MCF2L: variants seen among roughly 807,000 people sequenced by gnomAD.
MCF2L encodes the protein guanine nucleotide exchange factor DBS.
In MCF2L, 97 loss-of-function variants were observed where a neutral mutation model predicts 153.4. The observed-to-expected ratio is 0.63, with a 90% CI of 0.54 to 0.75. The LOEUF (loss-of-function observed/expected upper bound fraction) is 0.75. Ranked by LOEUF, MCF2L falls within the 30% of genes least tolerant of loss-of-function variation. MCF2L has a pLI of 0.00. For missense variants in MCF2L, 1,347 were observed against 1,495.2 expected (o/e 0.90, Z 1.64); for synonymous variants, 659 against 632.2 (o/e 1.04, Z -0.64).
chr13:112,944,053 CTGGCTGT>C (rs2081607763), intron 2 of MCF2L, among the ~76,000 whole-genome samples: 2 of 135,588 alleles, frequency 1.5e-5, no homozygotes, highest in Non-Finnish European at 3.1e-5. Context: ...GGGAGGGTCC[CTGGCTGT>C]GGGGGGAGCG....
In MCF2L at chr13:112,940,517, C is replaced by T. The variant is rs532240796; in HGVS notation, c.169+38146C>T. On this transcript the variant is annotated intron_variant, in intron 2 of 29. Transcript: ENST00000375608. ...GTACCGCCTGGCCCAGCTCCCTACC[C>T]GCTGCCTATGTGGGTCACCTCTCAG... 1.6e-4 allele frequency among the ~76,000 whole-genome samples: 25 copies of T among 152,370 alleles called. No homozygotes were observed. In the South Asian group the frequency reaches 3.7e-3, roughly 23 times the overall value.
At chr13:113,065,197 G>T in intron 7 of MCF2L, 112 bp downstream of exon 7, 1 of 1,359,754 alleles carries the variant, frequency 7.4e-7, no homozygotes. Flanking sequence ...GGGAGTTTGT[G>T]TCAGCAGCAC....
chr13:113,018,830 C>A (rs2084699265), intron 2 of MCF2L, among the ~76,000 whole-genome samples: 2 of 152,228 alleles, frequency 1.3e-5, no homozygotes, highest in Admixed American at 1.3e-4. Context: ...TCACTCCCTG[C>A]AATGGACGGC....
chr13:113,088,657 G>T, intron 25 of MCF2L, 29 bp downstream of exon 25: 1 of 1,596,476 alleles, frequency 6.3e-7, no homozygotes, highest in Non-Finnish European at 8.5e-7. Context: ...CCGCAGGCCT[G>T]CGTTTCTGGA....
chr13:113,072,332 C>A (rs373293362), intron 9 of MCF2L, among the ~76,000 whole-genome samples: 7 of 152,194 alleles, frequency 4.6e-5, no homozygotes, highest in African/African-American at 7.2e-5. Flanking sequence ...TTCTACCCCC[C>A]ACCCACAACA....
intron 2 of MCF2L, among the ~76,000 whole-genome samples, chr13:112,947,032 A>G (rs889106638): frequency 6.6e-6 from 1 of 152,152 alleles, no homozygotes; most frequent in Non-Finnish European, 1.5e-5. Context: ...CTCCTATAAC[A>G]AAACATCACA....
rs901076419 is a variant in MCF2L, at chr13:112,969,839, G to C, written c.79+381G>C. ...CAGAGCTTGGGGTTTCAGAGCCAGG[G>C]GTAGGGATGGTGAAGCTACCTGGAA... On this transcript the variant is annotated intron_variant, in intron 1 of 29. Transcript: ENST00000535094. This position sits in a 1 kb window ranked among gnomAD's most constrained non-coding sequence, Gnocchi z 4.8. 6.6e-6 allele frequency among the ~76,000 whole-genome samples: 1 copy of C among 152,140 alleles called. No individual in the cohort carries two copies. Among genetic ancestry groups the C allele is most frequent in the Non-Finnish European group, 1.5e-5 (1 of 68,028 alleles).
intron 4 of MCF2L, among the ~76,000 whole-genome samples, chr13:113,058,995 C>T (rs2030889953): frequency 6.8e-6 from 1 of 146,442 alleles, no homozygotes; most frequent in Admixed American, 6.9e-5. Context: ...TGTTTCAGTG[C>T]CATTTGGGTG....
rs1242627291 is a variant in MCF2L, at chr13:113,028,397, C to A, written c.278+3639C>A. On this transcript the variant is annotated intron_variant, in intron 3 of 29. Coordinates refer to ENST00000535094, the MANE Select transcript of MCF2L (RefSeq NM_001112732.3). This position sits in a 1 kb window ranked among gnomAD's most constrained non-coding sequence, Gnocchi z 5.4. ...GGAACCTTCCATGGCCTCCTTGCTG[C>A]TGCCCCACTTGTCTGTCTGCTTCTC... Among the ~76,000 whole-genome samples, 3 of 152,232 alleles carry A rather than the reference C, an allele frequency of 2.0e-5. No homozygotes were observed. Among genetic ancestry groups the A allele is most frequent in the African/African-American group, 7.2e-5 (3 of 41,462 alleles).
chr13:112,992,024 C>T (rs2082915234), intron 1 of MCF2L, among the ~76,000 whole-genome samples: 2 of 152,332 alleles, frequency 1.3e-5, no homozygotes, highest in South Asian at 4.1e-4. Context: ...TGCTCCAAAA[C>T]CTGAAACTTT....
rs764174855 is a variant in MCF2L at position 113,078,375 on chromosome 13, G to T, written c.1673G>T (p.Gly558Val). ...TTCTTCCCAACAGGCATTCGGCGAG[G>T]CTCTGAGAACTCCAGCTCCGAGGGC... is the stretch of plus-strand genomic sequence containing the variant. ...SPCPSPGIRRGSENSSSEGGA... is the reference protein window; with the variant it reads ...SPCPSPGIRRVSENSSSEGGA... Residue 558 changes from glycine (G) to valine (V), a missense_variant, in exon 14 of 30, where the codon GGC (glycine) becomes GTC (valine). Coordinates refer to ENST00000535094, the MANE Select transcript of MCF2L (RefSeq NM_001112732.3). 8.3e-5 allele frequency: 134 copies of T among 1,613,302 alleles called. 1 individual carries two copies. The Middle Eastern group carries it at 9.9e-4, about 12-fold the overall frequency.
chr13:112,942,885 T>C (rs1594361855), intron 2 of MCF2L, among the ~76,000 whole-genome samples: 2 of 152,176 alleles, frequency 1.3e-5, no homozygotes, highest in Non-Finnish European at 2.9e-5. Flanking sequence ...CATCCCCACA[T>C]GCCAGCAGAG....
At chr13:113,073,316 T>C (rs994596071) in intron 9 of MCF2L, among the ~76,000 whole-genome samples, 1 of 152,246 alleles carries the variant, frequency 6.6e-6, no homozygotes, top group Non-Finnish European at 1.5e-5. Context: ...TTTATACATA[T>C]CAGTTAGATC....
At position 113,049,104 on chromosome 13, in the gene MCF2L, G is replaced by A. The variant is rs2087031239; in HGVS notation, c.369+3743G>A. ...GCATGAGAAACCGGCAGGAGATGAT[G>A]ATGGTGGACATTGGATGGGCCAGGA... On this transcript the variant is annotated intron_variant, in intron 4 of 29. Coordinates refer to ENST00000535094, the MANE Select transcript of MCF2L (RefSeq NM_001112732.3). Among the ~76,000 whole-genome samples, 3 of 112,778 alleles carry A rather than the reference G, an allele frequency of 2.7e-5. No individual in the cohort carries two copies. The South Asian group carries it at 8.8e-4, about 33-fold the overall frequency. 74.0% of individuals were successfully genotyped at this position (112,778 alleles called of 152,430 possible).
In MCF2L at chr13:113,078,390, G is replaced by A. The variant is rs767216487; in HGVS notation, c.1688G>A (p.Ser563Asn). 36 of 1,613,222 alleles carry A rather than the reference G, an allele frequency of 2.2e-5. No homozygotes were observed. The highest frequency in any genetic ancestry group is 3.3e-4 in the Middle Eastern group (2 of 6,074). Residue 563 changes from serine (S) to asparagine (N), a missense_variant, in exon 14 of 30, where the codon AGC becomes AAC. This residue lies in a region of MCF2L where 820 missense variants were observed against 921.2 expected (regional missense o/e 0.89). Transcript: ENST00000535094. ...ATTCGGCGAGGCTCTGAGAACTCCA[G>A]CTCCGAGGGCGGTGCGCTCCGGAGA... is the stretch of plus-strand genomic sequence containing the variant. ...PGIRRGSENS[S>N]SEGGALRRGP...
rs2085357657 is a variant in MCF2L at position 113,027,058 on chromosome 13, A to G, written c.278+2300A>G. The G allele has an allele frequency of 2.6e-6, 2 of 770,442 alleles. No homozygotes were observed. The highest frequency in any genetic ancestry group is 3.4e-5 in the African/African-American group (2 of 59,048). 47.7% of individuals were successfully genotyped at this position (770,442 alleles called of 1,614,324 possible). A position where few individuals can be genotyped will look rare whatever the true frequency, so the allele number is the denominator to read the frequency against. ...GAACACACACCAAGTAAAAACAGAA[A>G]TATCCTTAAATATGGCATCTGTATC... On this transcript the variant is annotated intron_variant, in intron 3 of 29. Transcript: ENST00000535094. This position sits in a 1 kb window ranked among gnomAD's most constrained non-coding sequence, Gnocchi z 4.8.
At chr13:113,087,510 G>A in intron 22 of MCF2L, 54 bp downstream of exon 22, 2 of 1,448,168 alleles carry the variant, frequency 1.4e-6, no homozygotes, top group South Asian at 1.3e-5. Flanking sequence ...CCCCGACGGG[G>A]GAAGTCTGTA....
At chr13:113,020,706 C>T (rs573203795) in intron 2 of MCF2L, among the ~76,000 whole-genome samples, 29 of 152,224 alleles carry the variant, frequency 1.9e-4, no homozygotes, top group Admixed American at 4.6e-4. Flanking sequence ...GCACTGTCCC[C>T]GTGGGGGTCA....
intron 2 of MCF2L, among the ~76,000 whole-genome samples, chr13:113,019,151 C>T (rs1241265470): frequency 6.6e-6 from 1 of 152,224 alleles, no homozygotes; most frequent in African/African-American, 2.4e-5. Flanking sequence ...GGTTTTGGTC[C>T]CAGCTTACAT....
Sources: allele counts gnomAD v4.1 joint callset (sites outside exome capture counted in the v4.1 genomes callset), GRCh38; gene constraint gnomAD v4.1.1; regional missense constraint gnomAD v4.1.1; non-coding constraint Gnocchi (gnomAD v3.1); transcripts MANE v1.5; gene names NCBI Gene and HGNC (gene_info 2026-07-23, HGNC 2026-07-21).